The following TTC21B variants were observed in gnomAD, a reference collection of about 807,000 sequenced individuals.
TTC21B encodes tetratricopeptide repeat domain 21B.
In TTC21B, 127 loss-of-function variants were observed where a neutral mutation model predicts 175.1. The observed-to-expected ratio is 0.73, with a 90% CI of 0.63 to 0.84. The LOEUF (loss-of-function observed/expected upper bound fraction) is 0.84. Ranked by LOEUF, TTC21B falls within the 40% of genes least tolerant of loss-of-function variation. The pLI, the probability that TTC21B is intolerant of heterozygous loss-of-function variation, is 0.00. For synonymous variants in TTC21B, 524 were observed against 524.5 expected, an observed-to-expected ratio of 1.00 and a Z score of 0.01; for missense variants, 1,561 against 1,558.3, an observed-to-expected ratio of 1.00 and a Z score of -0.03.
At chr2:165,879,434 A>T (rs1029615013) in intron 27 of TTC21B, among the ~76,000 whole-genome samples, 2 of 152,228 alleles carry the variant, frequency 1.3e-5, no homozygotes, top group African/African-American at 2.4e-5. Flanking sequence ...ATAGTATGAG[A>T]ACAGACTCCA....
rs533696632 is a variant in TTC21B, at chr2:165,910,448, G to A, written c.2461+879C>T. Among the ~76,000 whole-genome samples, 236 of 151,920 alleles carry A rather than the reference G, an allele frequency of 1.6e-3. 2 individuals are homozygous for A. Among genetic ancestry groups the A allele is most frequent in the South Asian group, 7.1e-3 (34 of 4,806 alleles). On this transcript the variant is annotated intron_variant, in intron 18 of 28. Coordinates refer to ENST00000243344, the MANE Select transcript of TTC21B (RefSeq NM_024753.5). ...AAAGTAAATTTTTACAAACTTGAAA[G>A]AAGGTAATTTGATAGTACCCAAACA...
chr2:165,949,095 C>A (rs1458643991), intron 3 of TTC21B: 2 of 370,316 alleles, frequency 5.4e-6, no homozygotes, highest in Admixed American at 8.9e-5. Context: ...GTACCTGTTT[C>A]TTTGGCTGTC....
chr2:165,913,574 C>G lies in TTC21B; in HGVS notation c.2211G>C (p.Glu737Asp). The G allele has an allele frequency of 6.2e-7, 1 of 1,608,028 alleles. No individual in the cohort carries two copies. The highest frequency in any genetic ancestry group is 8.5e-7 in the Non-Finnish European group (1 of 1,175,168). ...LLGDAYMNIL[E>D]PEEAIVAYEQ... is the part of the protein sequence containing the mutation. ...AGTTCAGTAACATCAGAAATTTTAC[C>G]TCTAGAATATTCATGTATGCATCAC... Residue 737 changes from glutamate (E) to aspartate (D), a missense_variant and splice_region_variant, in exon 16 of 29, where the codon GAG becomes GAC. Physicochemically the swap from Glu to Asp is conservative, Grantham distance 45. Coordinates refer to ENST00000243344, the MANE Select transcript of TTC21B (RefSeq NM_024753.5).
intron 26 of TTC21B, 139 bp downstream of exon 26, chr2:165,883,655 C>T: frequency 1.4e-6 from 1 of 703,352 alleles, no homozygotes. Context: ...TGCTTGTTTC[C>T]TGATTGTGGT....
At position 165,930,212 on chromosome 2, in the gene TTC21B, G is replaced by A. The variant is rs778117964; in HGVS notation, c.1047C>T (p.Thr349=). The A allele has an allele frequency of 3.0e-5, 49 of 1,613,004 alleles. No individual in the cohort carries two copies. Among genetic ancestry groups the A allele is most frequent in the South Asian group, 2.1e-4 (19 of 91,030 alleles). The change falls in exon 9 of 29, where the codon ACC becomes ACT. Residue 349 remains threonine (T), a synonymous_variant. Transcript: ENST00000243344. ...CACTAGTCTCATCAAGTGTCATGGCGGTCTTATACCACTTCAGTGCCTCTT... is the reference window on the plus strand; with the variant it reads ...CACTAGTCTCATCAAGTGTCATGGCAGTCTTATACCACTTCAGTGCCTCTT... The part of the protein sequence containing the change: ...RVKEALKWYK[T]AMTLDETSVS...
chr2:165,912,686 G>C, intron 16 of TTC21B, 62 bp from the exon 17 acceptor site: 1 of 1,175,172 alleles, frequency 8.5e-7, no homozygotes, highest in East Asian at 2.3e-5. Flanking sequence ...CCCATTAAAG[G>C]GCAACAGTTC....
At chr2:165,894,175 C>G (rs1685285352) in intron 22 of TTC21B, among the ~76,000 whole-genome samples, 1 of 151,998 alleles carries the variant, frequency 6.6e-6, no homozygotes, top group Non-Finnish European at 1.5e-5. Flanking sequence ...AGCTAGCTAT[C>G]AAGCAAACAG....
At position 165,898,996 on chromosome 2, in the gene TTC21B, T is replaced by C. The variant is rs542132957; in HGVS notation, c.2869-229A>G. 3.9e-5 allele frequency among the ~76,000 whole-genome samples: 6 copies of C among 152,276 alleles called. No individual in the cohort carries two copies. In the South Asian group the frequency reaches 6.2e-4, roughly 16 times the overall value. On this transcript the variant is annotated intron_variant, in intron 21 of 28. Transcript: ENST00000243344. Reference sequence around the variant, plus strand: ...GAAACAGATTGCTCTGCTTGCAAAATTGTATTTTTAGCAAAAAATATGTTT... The same window carrying C: ...GAAACAGATTGCTCTGCTTGCAAAACTGTATTTTTAGCAAAAAATATGTTT...
intron 16 of TTC21B, among the ~76,000 whole-genome samples, chr2:165,913,158 C>G (rs900208986): frequency 2.0e-5 from 3 of 152,068 alleles, no homozygotes; most frequent in Non-Finnish European, 4.4e-5. Flanking sequence ...CCTGCCTCAG[C>G]CTTCCCAATA....
At chr2:165,923,146 T>A (rs1458425358) in intron 12 of TTC21B, among the ~76,000 whole-genome samples, 2 of 152,064 alleles carry the variant, frequency 1.3e-5, no homozygotes, top group African/African-American at 4.8e-5. Context: ...TGCACACTAC[T>A]CATGTGATGG....
intron 8 of TTC21B, among the ~76,000 whole-genome samples, chr2:165,930,796 T>C (rs1686878931): frequency 7.6e-6 from 1 of 131,498 alleles, no homozygotes; most frequent in Non-Finnish European, 1.8e-5. Context: ...TCTTATTGAA[T>C]AAAAAACTAG....
At chr2:165,889,766 C>A (rs1326864619) in intron 24 of TTC21B, among the ~76,000 whole-genome samples, 1 of 152,150 alleles carries the variant, frequency 6.6e-6, no homozygotes, top group African/African-American at 2.4e-5. Context: ...TCTGACAATA[C>A]TTAATATCTA....
At chr2:165,895,003 A>C (rs4667857) in intron 22 of TTC21B, among the ~76,000 whole-genome samples, 2,825 of 152,212 alleles carry the variant, frequency 0.019, 119 homozygotes, top group Admixed American at 0.099. Flanking sequence ...GCTCCGAGGC[A>C]AATCTAGGAT....
At chr2:165,900,538 C>T (rs955596966) in intron 20 of TTC21B, among the ~76,000 whole-genome samples, 5 of 152,104 alleles carry the variant, frequency 3.3e-5, no homozygotes, top group Non-Finnish European at 5.9e-5. Context: ...TATAATCAGT[C>T]ATGTATGTAA....
intron 25 of TTC21B, among the ~76,000 whole-genome samples, 171 bp from the exon 26 acceptor site, chr2:165,884,189 T>C (rs1299877212): frequency 6.6e-6 from 1 of 152,210 alleles, no homozygotes; most frequent in African/African-American, 2.4e-5. Flanking sequence ...ACCCTCAAGC[T>C]ACTATGAAGA....
Position 165,911,406 on chromosome 2 carries a change from G to A in TTC21B, c.2382C>T (p.Asp794=). The A allele has an allele frequency of 4.3e-6, 7 of 1,613,826 alleles. No homozygotes were observed. The highest frequency in any genetic ancestry group is 5.9e-6 in the Non-Finnish European group (7 of 1,179,900). ...KTGQKNYLCY[D]LAELLLKLKW... is the part of the protein sequence containing the mutation. Reference sequence around the variant, plus strand: ...TCAATTTTAATAAGAGCTCAGCCAGGTCATAGCAAAGATAATTCTTTTGTC... The same window carrying A: ...TCAATTTTAATAAGAGCTCAGCCAGATCATAGCAAAGATAATTCTTTTGTC... The change falls in exon 18 of 29, where the codon GAC becomes GAT. Residue 794 remains aspartate, a synonymous_variant. Coordinates refer to ENST00000243344, the MANE Select transcript of TTC21B (RefSeq NM_024753.5).
In TTC21B at chr2:165,917,461, G is replaced by A. The variant is rs6750044; in HGVS notation, c.1695C>T (p.Tyr565=). ...TTTGTGACTGAGCTTTTATCAAATG[G>A]TATAAAGGATAGTCTCTCACCTGAA... ...YDFKVRDYPL[Y]HLIKAQSQKK... The change falls in exon 14 of 29, where the codon TAC becomes TAT. Residue 565 remains tyrosine (Y), a synonymous_variant. Coordinates refer to ENST00000243344, the MANE Select transcript of TTC21B (RefSeq NM_024753.5). 594,606 of 1,610,158 alleles carry A rather than the reference G, an allele frequency of 0.37. 112,556 individuals carry two copies. The highest frequency in any genetic ancestry group is 0.39 in the Non-Finnish European group (459,818 of 1,177,006).
intron 27 of TTC21B, among the ~76,000 whole-genome samples, chr2:165,877,701 T>C (rs1472322352): frequency 1.3e-5 from 2 of 152,138 alleles, no homozygotes; most frequent in South Asian, 2.1e-4. Flanking sequence ...GTGTGTATGT[T>C]TATATATGTG....
At chr2:165,902,564 C>T (rs939990611) in intron 19 of TTC21B, among the ~76,000 whole-genome samples, 9 of 151,726 alleles carry the variant, frequency 5.9e-5, no homozygotes, top group Non-Finnish European at 1.3e-4. Context: ...TAACAGCATT[C>T]TTTTGCAAAT....
Sources: gnomAD v4.1 joint callset for allele counts (sites outside exome capture counted in the v4.1 genomes callset) on GRCh38, gnomAD v4.1.1 for gene constraint, MANE v1.5 for transcripts, NCBI Gene and HGNC (gene_info 2026-07-23, HGNC 2026-07-21) for gene names.